The following MBNL2 variants were observed in gnomAD, a reference collection of about 807,000 sequenced individuals.
MBNL2 encodes muscleblind like splicing regulator 2, also known as muscleblind-like protein 2.
A neutral mutation model predicts 41.9 loss-of-function variants in MBNL2; 17 were observed. The ratio of observed to expected loss-of-function variants is 0.41; its 90% CI spans 0.28 to 0.61. The LOEUF (loss-of-function observed/expected upper bound fraction) is 0.61, where lower values mean the gene tolerates loss of function less well. Among genes scored for constraint, MBNL2 ranks in the 20% least tolerant of loss-of-function variants. The probability of loss-of-function intolerance (pLI) is 0.35; values close to 1 mark genes in which losing one functional copy is unlikely to be tolerated. For synonymous variants in MBNL2, 195 were observed against 182.9 expected, an observed-to-expected ratio of 1.07 and a Z score of -0.53; for missense variants, 336 against 505.6, an observed-to-expected ratio of 0.66 and a Z score of 3.22.
the MBNL2 span, among the ~76,000 whole-genome samples, chr13:97,194,969 G>A: frequency 1.6e-4 from 24 of 152,260 alleles, no homozygotes; most frequent in Middle Eastern, 3.4e-3. Flanking sequence ...CATAAAAATA[G>A]CCAATCAGCA....
At chr13:97,296,472 CTGTTTTT>C (rs2057029710) in intron 2 of MBNL2, among the ~76,000 whole-genome samples, 1 of 152,078 alleles carries the variant, frequency 6.6e-6, no homozygotes, top group African/African-American at 2.4e-5. Flanking sequence ...TCCAGAGAAA[CTGTTTTT>C]CCCCCCAGAG....
intron 7 of MBNL2, among the ~76,000 whole-genome samples, chr13:97,360,389 C>G (rs181119597): frequency 5.3e-5 from 8 of 152,238 alleles, no homozygotes; most frequent in Admixed American, 5.2e-4. Flanking sequence ...GATGGCCTAG[C>G]ACATTTGCCA....
At chr13:97,193,887 A>G in the MBNL2 span, among the ~76,000 whole-genome samples, 1 of 152,110 alleles carries the variant, frequency 6.6e-6, no homozygotes, top group Non-Finnish European at 1.5e-5. Flanking sequence ...CACACCTCCC[A>G]CATCATTTTG....
intron 2 of MBNL2, among the ~76,000 whole-genome samples, chr13:97,281,530 T>A (rs1182124715): frequency 6.6e-6 from 1 of 152,246 alleles, no homozygotes; most frequent in Non-Finnish European, 1.5e-5. Context: ...GTTGCTCATT[T>A]ACCTATGGGA....
chr13:97,348,074 ATTTTTTTTTTT>A (rs71692187), intron 5 of MBNL2, among the ~76,000 whole-genome samples: 1 of 120,318 alleles, frequency 8.3e-6, no homozygotes, highest in Admixed American at 8.8e-5. Context: ...GGGCAGTGGG[ATTTTTTTTTTT>A]TTTTTTTTTT....
chr13:97,236,787 C>T (rs1459355143), intron 1 of MBNL2, among the ~76,000 whole-genome samples: 1 of 152,176 alleles, frequency 6.6e-6, no homozygotes, highest in Admixed American at 6.5e-5. Flanking sequence ...AAATTAGAAA[C>T]TTGAAAGGAA....
intron 8 of MBNL2, among the ~76,000 whole-genome samples, chr13:97,386,171 C>T (rs995161450): frequency 1.3e-4 from 20 of 152,238 alleles, no homozygotes; most frequent in African/African-American, 4.8e-4. Flanking sequence ...TAAACCTGCT[C>T]TCCTGGTCTC....
At chr13:97,227,392 G>C (rs532310987) in intron 1 of MBNL2, among the ~76,000 whole-genome samples, 3 of 152,128 alleles carry the variant, frequency 2.0e-5, no homozygotes, top group Non-Finnish European at 4.4e-5. Context: ...TGCTGCGGCC[G>C]TTTGCAATCC....
intron 5 of MBNL2, among the ~76,000 whole-genome samples, chr13:97,353,856 G>C (rs1364384346): frequency 6.6e-6 from 1 of 151,708 alleles, no homozygotes; most frequent in Non-Finnish European, 1.5e-5. Context: ...GATTGTTCAG[G>C]AAAGTCTGTA....
At chr13:97,159,500 A>T in the MBNL2 span, among the ~76,000 whole-genome samples, 3 of 151,926 alleles carry the variant, frequency 2.0e-5, no homozygotes, top group East Asian at 1.9e-4. Flanking sequence ...CTCGATGGTC[A>T]TTACATTTTG....
At chr13:97,291,236 A>AATT (rs546598699) in intron 2 of MBNL2, among the ~76,000 whole-genome samples, 24 of 151,632 alleles carry the variant, frequency 1.6e-4, no homozygotes, top group South Asian at 6.3e-4. Context: ...TTTGAGGTAG[A>AATT]ATTATTATTA....
chr13:97,171,399 T>C, the MBNL2 span, among the ~76,000 whole-genome samples: 149 of 152,262 alleles, frequency 9.8e-4, 1 homozygote, highest in Admixed American at 2.9e-3. Context: ...GCAACTACTA[T>C]ATTATATTGG....
At chr13:97,328,173 CTTT>C (rs35671709) in intron 2 of MBNL2, among the ~76,000 whole-genome samples, 15,878 of 131,538 alleles carry the variant, frequency 0.12, 1,692 homozygotes, top group African/African-American at 0.3. Context: ...TTCCTTAACC[CTTT>C]TTTTTTTTTT....
chr13:97,345,508 T>C (rs2061761400), intron 4 of MBNL2, among the ~76,000 whole-genome samples: 2 of 152,206 alleles, frequency 1.3e-5, no homozygotes, highest in Admixed American at 1.3e-4. Flanking sequence ...ACTTGAGATT[T>C]CAGGATAATT....
the MBNL2 span, among the ~76,000 whole-genome samples, chr13:97,164,869 G>A: frequency 6.6e-6 from 1 of 152,144 alleles, no homozygotes; most frequent in African/African-American, 2.4e-5. Flanking sequence ...GCCTTCCTGT[G>A]GGGCTGAATC....
chr13:97,155,553 C>T, the MBNL2 span, among the ~76,000 whole-genome samples: 3 of 146,844 alleles, frequency 2.0e-5, no homozygotes, highest in Non-Finnish European at 3.0e-5. Flanking sequence ...CCCCTCCCCA[C>T]ACCCCACAAC....
the MBNL2 span, among the ~76,000 whole-genome samples, chr13:97,167,656 C>A: frequency 6.6e-6 from 1 of 152,100 alleles, no homozygotes; most frequent in Non-Finnish European, 1.5e-5. Flanking sequence ...CTAATTTAAT[C>A]ATAAAGCAGA....
the MBNL2 span, among the ~76,000 whole-genome samples, chr13:97,145,186 G>A: frequency 1.3e-3 from 198 of 152,286 alleles, 1 homozygote; most frequent in African/African-American, 4.4e-3. Flanking sequence ...AACCTGTGAC[G>A]GGCCTGTGGA....
chr13:97,364,001 C>G (rs1240142550), intron 7 of MBNL2, among the ~76,000 whole-genome samples: 2 of 152,158 alleles, frequency 1.3e-5, no homozygotes, highest in Admixed American at 6.5e-5. Flanking sequence ...TTCTCAGGCA[C>G]CTACATGACA....
Sources: allele counts gnomAD v4.1 joint callset (sites outside exome capture counted in the v4.1 genomes callset), GRCh38; gene constraint gnomAD v4.1.1; transcripts MANE v1.5; gene names NCBI Gene and HGNC (gene_info 2026-07-23, HGNC 2026-07-21).